PARD3B: variants seen among roughly 807,000 people sequenced by gnomAD.
PARD3B encodes the protein par-3 family cell polarity regulator beta, also known as partitioning defective 3 homolog B.
Under a neutral mutation model 130.2 loss-of-function variants are expected in PARD3B, and 103 were observed. The ratio of observed to expected loss-of-function variants is 0.79; its 90% CI spans 0.67 to 0.93. PARD3B has a LOEUF of 0.93. Ranked by LOEUF, PARD3B falls within the 40% of genes least tolerant of loss-of-function variation. The probability of loss-of-function intolerance (pLI) is 0.00; values close to 1 mark genes in which losing one functional copy is unlikely to be tolerated. For missense variants in PARD3B, 1,609 were observed against 1,499.2 expected, an observed-to-expected ratio of 1.07 and a Z score of -1.21; for synonymous variants, 583 against 553.2, an observed-to-expected ratio of 1.05 and a Z score of -0.76.
Position 204,691,783 on chromosome 2 carries a change from G to C in PARD3B, c.222+5501G>C, listed in dbSNP as rs191284118. On this transcript the variant is annotated intron_variant, in intron 2 of 22. Coordinates refer to ENST00000406610, the MANE Select transcript of PARD3B (RefSeq NM_001302769.2). ...TAAACATCAAATAAACTATTTTACT[G>C]TATATTTTAACTGCTTTTTAAACAA... 8.4e-4 allele frequency among the ~76,000 whole-genome samples: 128 copies of C among 151,872 alleles called. 2 individuals are homozygous for C. The highest frequency in any genetic ancestry group is 6.8e-3 in the Middle Eastern group (2 of 294).
chr2:204,627,430 A>G (rs1004903775), intron 1 of PARD3B, among the ~76,000 whole-genome samples: 3 of 152,192 alleles, frequency 2.0e-5, no homozygotes, highest in African/African-American at 7.2e-5. Flanking sequence ...ATTAGCTAAG[A>G]TTTGAAAAAA....
intron 2 of PARD3B, among the ~76,000 whole-genome samples, chr2:204,946,330 C>G (rs544574075): frequency 6.6e-6 from 1 of 152,298 alleles, no homozygotes; most frequent in East Asian, 1.9e-4. Flanking sequence ...ACATTTTAAT[C>G]CTTCCTCATT....
At chr2:205,127,422 T>G (rs954317361) in intron 10 of PARD3B, among the ~76,000 whole-genome samples, 2 of 152,132 alleles carry the variant, frequency 1.3e-5, no homozygotes, top group Admixed American at 6.5e-5. Context: ...TGAATCTGTA[T>G]AAGAATTGAC....
chr2:205,039,180 GT>G, intron 3 of PARD3B, among the ~76,000 whole-genome samples: 1 of 152,100 alleles, frequency 6.6e-6, no homozygotes, highest in South Asian at 2.1e-4. Flanking sequence ...AGAAAATGTA[GT>G]TGCCTCCAAA....
intron 1 of PARD3B, among the ~76,000 whole-genome samples, chr2:204,595,701 A>G (rs142446886): frequency 6.6e-6 from 1 of 152,344 alleles, no homozygotes; most frequent in African/African-American, 2.4e-5. Context: ...AAATTCAGAA[A>G]AGTCAAGTAT....
At chr2:205,018,040 G>A (rs1317336800) in intron 3 of PARD3B, among the ~76,000 whole-genome samples, 1 of 152,110 alleles carries the variant, frequency 6.6e-6, no homozygotes, top group East Asian at 1.9e-4. Context: ...CTGTTGCCAG[G>A]CACTGTGCTA....
intron 15 of PARD3B, among the ~76,000 whole-genome samples, chr2:205,216,318 C>T (rs1316714872): frequency 1.3e-5 from 2 of 152,174 alleles, no homozygotes; most frequent in South Asian, 2.1e-4. Context: ...GATGAAACTG[C>T]CTAGCAATGC....
intron 1 of PARD3B, among the ~76,000 whole-genome samples, chr2:204,629,360 T>C (rs1370953713): frequency 6.6e-6 from 1 of 152,196 alleles, no homozygotes; most frequent in African/African-American, 2.4e-5. Flanking sequence ...CTTTTCTGTA[T>C]TTGTGTGAAC....
chr2:205,399,845 A>G (rs1237798511), intron 18 of PARD3B, among the ~76,000 whole-genome samples: 1 of 152,130 alleles, frequency 6.6e-6, no homozygotes, highest in Non-Finnish European at 1.5e-5. Flanking sequence ...TTATATTTTC[A>G]TTGTGTTCCA....
chr2:204,784,027 G>GA (rs982340583), intron 2 of PARD3B, among the ~76,000 whole-genome samples: 3 of 151,844 alleles, frequency 2.0e-5, no homozygotes, highest in African/African-American at 7.3e-5. Flanking sequence ...TATTTTTCTG[G>GA]AAAAAAGAGA....
In PARD3B at chr2:205,258,319, A is replaced by G. The variant is rs912063794; in HGVS notation, c.2185+12497A>G. Among the ~76,000 whole-genome samples the G allele has an allele frequency of 6.6e-6, 1 of 152,180 alleles. No homozygotes were observed. Among genetic ancestry groups the G allele is most frequent in the African/African-American group, 2.4e-5 (1 of 41,444 alleles). On this transcript the variant is annotated intron_variant, in intron 16 of 22. Transcript: ENST00000406610. This position sits in a 1 kb window ranked among gnomAD's most constrained non-coding sequence, Gnocchi z 4.9. ...GAAAACTCTCCTCAGGCCTTTGCACATGCATTCGATTAGCCCAGAGTGATC... is the reference window on the plus strand; with the variant it reads ...GAAAACTCTCCTCAGGCCTTTGCACGTGCATTCGATTAGCCCAGAGTGATC...
intron 21 of PARD3B, among the ~76,000 whole-genome samples, chr2:205,548,417 A>G (rs750470543): frequency 6.6e-6 from 1 of 152,106 alleles, no homozygotes; most frequent in Non-Finnish European, 1.5e-5. Flanking sequence ...TCCTTCATTT[A>G]TTCCTGTTTT....
intron 16 of PARD3B, among the ~76,000 whole-genome samples, chr2:205,272,824 A>C (rs2040784321): frequency 6.6e-6 from 1 of 152,240 alleles, no homozygotes; most frequent in South Asian, 2.1e-4. Context: ...TCCGTGTCTT[A>C]TTATTCAAAA....
chr2:204,834,153 T>C (rs2043941673), intron 2 of PARD3B, among the ~76,000 whole-genome samples: 1 of 152,224 alleles, frequency 6.6e-6, no homozygotes, highest in Non-Finnish European at 1.5e-5. Flanking sequence ...ACTTATAATT[T>C]ATAACATTGT....
chr2:205,401,858 T>A (rs909409284), intron 19 of PARD3B, among the ~76,000 whole-genome samples: 1 of 152,232 alleles, frequency 6.6e-6, no homozygotes, highest in Non-Finnish European at 1.5e-5. Flanking sequence ...GGAGAAAGAC[T>A]GAGATTATGA....
intron 2 of PARD3B, among the ~76,000 whole-genome samples, chr2:204,841,390 G>A (rs948685641): frequency 1.9e-4 from 29 of 151,922 alleles, no homozygotes; most frequent in African/African-American, 7.0e-4. Flanking sequence ...ACAAGAACAA[G>A]GCAAAAAATT....
In PARD3B at chr2:204,580,952, C is replaced by A. The variant is rs111258141; in HGVS notation, c.120+34833C>A. ...GGAACACAGGTGACATTTCTATCAG[C>A]AGAATTTCAAATTTATGCAGACTCG... On this transcript the variant is annotated intron_variant, in intron 1 of 22. Coordinates refer to ENST00000406610, the MANE Select transcript of PARD3B (RefSeq NM_001302769.2). Among the ~76,000 whole-genome samples the A allele has an allele frequency of 9.0e-3, 1,365 of 152,278 alleles. 19 individuals are homozygous for A. The highest frequency in any genetic ancestry group is 0.032 in the African/African-American group (1,325 of 41,558).
chr2:205,447,772 T>C (rs956312456), intron 20 of PARD3B, among the ~76,000 whole-genome samples: 18 of 152,252 alleles, frequency 1.2e-4, no homozygotes, highest in African/African-American at 4.3e-4. Flanking sequence ...GCCTCATGAA[T>C]GTCACCTAAC....
intron 18 of PARD3B, among the ~76,000 whole-genome samples, chr2:205,381,376 A>G (rs566126816): frequency 1.3e-5 from 2 of 150,960 alleles, no homozygotes; most frequent in South Asian, 4.2e-4. Context: ...CTTGCTAATC[A>G]AAATCAAGTG....
Sources: gnomAD v4.1 joint callset for allele counts (sites outside exome capture counted in the v4.1 genomes callset) on GRCh38, gnomAD v4.1.1 for gene constraint, Gnocchi (gnomAD v3.1) non-coding constraint, MANE v1.5 for transcripts, NCBI Gene and HGNC (gene_info 2026-07-23, HGNC 2026-07-21) for gene names.